Variants in ATAD2B observed in about 807,000 individuals in gnomAD.
ATAD2B encodes ATPase family AAA domain containing 2B, also known as ATPase family AAA domain-containing protein 2B.
In ATAD2B, 40 loss-of-function variants were observed where a neutral mutation model predicts 167.6. The ratio of observed to expected loss-of-function variants is 0.24; its 90% CI spans 0.19 to 0.31. The LOEUF is 0.31. ATAD2B is among the 10% of genes least tolerant of loss of function. The pLI, the probability that ATAD2B is intolerant of heterozygous loss-of-function variation, is 1.00. For missense variants in ATAD2B, 1,242 were observed against 1,757.2 expected, an observed-to-expected ratio of 0.71 and a Z score of 5.24; for synonymous variants, 579 against 596.5, an observed-to-expected ratio of 0.97 and a Z score of 0.43.
intron 1 of ATAD2B, among the ~76,000 whole-genome samples, chr2:23,925,274 T>C (rs1021252444): frequency 6.6e-6 from 1 of 152,170 alleles, no homozygotes; most frequent in Non-Finnish European, 1.5e-5. Flanking sequence ...AAATAGGACG[T>C]TATAATGCCC....
At chr2:23,769,712 GTT>G (rs1266284550) in intron 22 of ATAD2B, among the ~76,000 whole-genome samples, 8,735 of 127,610 alleles carry the variant, frequency 0.068, 250 homozygotes, top group Middle Eastern at 0.13. Context: ...CTCACTGTGG[GTT>G]TTTTTTTTTT....
chr2:23,691,020 G>A, the ATAD2B span: 1 of 153,342 alleles, frequency 6.5e-6, no homozygotes. Context: ...GAAGTCCTTG[G>A]TTGTTTCCTC....
intron 22 of ATAD2B, among the ~76,000 whole-genome samples, chr2:23,768,376 G>T (rs1056520322): frequency 6.6e-6 from 1 of 151,926 alleles, no homozygotes; most frequent in East Asian, 1.9e-4. Context: ...TCTCCACTCT[G>T]ACTCATTCCC....
intron 17 of ATAD2B, chr2:23,811,378 G>A (rs1553400692): frequency 6.6e-6 from 1 of 152,240 alleles, no homozygotes; most frequent in Non-Finnish European, 1.5e-5. Context: ...GGACATTGTT[G>A]TTCCCCTCCA....
At chr2:23,692,348 G>C in the ATAD2B span, among the ~76,000 whole-genome samples, 158 of 152,382 alleles carry the variant, frequency 1.0e-3, no homozygotes, top group African/African-American at 3.6e-3. Context: ...TGCTGCCCAG[G>C]ATGGGGACTG....
At chr2:23,799,570 CAAAAAAAAA>C (rs763947000) in intron 18 of ATAD2B, among the ~76,000 whole-genome samples, 10 of 40,540 alleles carry the variant, frequency 2.5e-4, no homozygotes, top group African/African-American at 9.5e-4. Context: ...GACTCCATCT[CAAAAAAAAA>C]AAAAAAAAAA....
At position 23,757,735 on chromosome 2, in the gene ATAD2B, T is replaced by C. The variant is rs1676117725; in HGVS notation, c.3761A>G (p.Glu1254Gly). 2 of 1,608,350 alleles carry C rather than the reference T, an allele frequency of 1.2e-6. No individual in the cohort carries two copies. The highest frequency in any genetic ancestry group is 2.2e-5 in the East Asian group (1 of 44,858). Reference protein sequence around the residue: ...LVNSSSSLNPEQTSRKETFLK... With the variant: ...LVNSSSSLNPGQTSRKETFLK... Reference sequence around the variant, plus strand: ...GAAAGTCTCTTTCCTGGAGGTCTGCTCCGGGTTTAAGGAACTGCTGCTGTT... The same window carrying C: ...GAAAGTCTCTTTCCTGGAGGTCTGCCCCGGGTTTAAGGAACTGCTGCTGTT... Residue 1254 changes from glutamate (E) to glycine (G), a missense_variant, in exon 25 of 28, where the codon GAG (glutamate) becomes GGG (glycine). This residue lies in a region of ATAD2B where 282 missense variants were observed against 346.8 expected (regional missense o/e 0.81). Transcript: ENST00000238789.
At chr2:23,730,148 A>C in the ATAD2B span, among the ~76,000 whole-genome samples, 6 of 152,218 alleles carry the variant, frequency 3.9e-5, no homozygotes, top group Non-Finnish European at 8.8e-5. Flanking sequence ...ACCAAGATAG[A>C]TTGCATTCTG....
chr2:23,811,684 C>A lies in ATAD2B; in HGVS notation c.2268-1182G>T, dbSNP rs112258271. Among the ~76,000 whole-genome samples the A allele has an allele frequency of 5.6e-3, 858 of 152,126 alleles. 10 individuals carry two copies. Among genetic ancestry groups the A allele is most frequent in the African/African-American group, 0.018 (754 of 41,486 alleles). On this transcript the variant is annotated intron_variant, in intron 17 of 27. Coordinates refer to ENST00000238789, the MANE Select transcript of ATAD2B (RefSeq NM_017552.4). The stretch of plus-strand genomic sequence containing the variant: ...ATAGGTGCTACAAACCACCATGGCA[C>A]ATGTATACCTACGTAACAAACCTGC...
chr2:23,911,196 G>A (rs1375513563), intron 1 of ATAD2B, among the ~76,000 whole-genome samples: 1 of 151,344 alleles, frequency 6.6e-6, no homozygotes, highest in Admixed American at 6.6e-5. Flanking sequence ...ACTCCAGCCT[G>A]GGCAAAAAGA....
At chr2:23,856,935 A>T (rs1015646192) in intron 13 of ATAD2B, among the ~76,000 whole-genome samples, 3 of 152,076 alleles carry the variant, frequency 2.0e-5, no homozygotes, top group African/African-American at 7.2e-5. Context: ...TAGGCTGGAC[A>T]CAGTGGCTCA....
In ATAD2B at chr2:23,906,107, C is replaced by T. The variant is rs541057478; in HGVS notation, c.217-10137G>A. Among the ~76,000 whole-genome samples, 268 of 152,124 alleles carry T rather than the reference C, an allele frequency of 1.8e-3. 1 individual carries two copies. The highest frequency in any genetic ancestry group is 6.1e-3 in the African/African-American group (255 of 41,510). On this transcript the variant is annotated intron_variant, in intron 1 of 27. Coordinates refer to ENST00000238789, the MANE Select transcript of ATAD2B (RefSeq NM_017552.4). ...ATCCCGATACTTTGGGAAGCAGAGG[C>T]GGGCAGATCAGTTGAGGTCAGGAGT...
At chr2:23,753,454 G>A (rs718138) in intron 27 of ATAD2B, among the ~76,000 whole-genome samples, 25,411 of 151,940 alleles carry the variant, frequency 0.17, 2,201 homozygotes, top group Middle Eastern at 0.26. Context: ...ATCAACAAAG[G>A]GAGTTGAATT....
At chr2:23,871,278 T>C (rs1185653144) in intron 8 of ATAD2B, among the ~76,000 whole-genome samples, 1 of 151,118 alleles carries the variant, frequency 6.6e-6, no homozygotes, top group African/African-American at 2.5e-5. Context: ...CACCCTCAGC[T>C]CTGCTTTACT....
chr2:23,868,277 T>C (rs186112470), intron 9 of ATAD2B, among the ~76,000 whole-genome samples: 91 of 152,320 alleles, frequency 6.0e-4, no homozygotes, highest in African/African-American at 2.1e-3. Flanking sequence ...TGTATTATAA[T>C]ATATGGGATT....
the ATAD2B span, among the ~76,000 whole-genome samples, chr2:23,709,364 A>G: frequency 6.6e-6 from 1 of 152,132 alleles, no homozygotes; most frequent in Non-Finnish European, 1.5e-5. Flanking sequence ...ATCCTATCCT[A>G]AAATCCAGTC....
chr2:23,915,586 CTTTTTTTT>C (rs869032768), intron 1 of ATAD2B, among the ~76,000 whole-genome samples: 8 of 65,248 alleles, frequency 1.2e-4, no homozygotes, highest in South Asian at 7.1e-4. Context: ...ACTACCGATT[CTTTTTTTT>C]TTTTTTTTTT....
intron 1 of ATAD2B, among the ~76,000 whole-genome samples, chr2:23,924,355 A>G (rs1029712509): frequency 1.3e-5 from 2 of 152,232 alleles, no homozygotes; most frequent in African/African-American, 4.8e-5. Flanking sequence ...CTTTACAGAC[A>G]CTGGCAAATG....
intron 20 of ATAD2B, among the ~76,000 whole-genome samples, chr2:23,786,969 T>C (rs952277007): frequency 6.6e-6 from 1 of 151,758 alleles, no homozygotes; most frequent in Non-Finnish European, 1.5e-5. Context: ...AGAATTCTGA[T>C]TTTAGGCAGG....
Sources: gnomAD v4.1 joint callset for allele counts (sites outside exome capture counted in the v4.1 genomes callset) on GRCh38, gnomAD v4.1.1 for gene constraint, gnomAD v4.1.1 regional missense constraint, MANE v1.5 for transcripts, NCBI Gene and HGNC (gene_info 2026-07-23, HGNC 2026-07-21) for gene names.